Variants in TBC1D22A observed in about 807,000 individuals in gnomAD.
TBC1D22A encodes putative GTPase activator.
Under a neutral mutation model 60.2 loss-of-function variants are expected in TBC1D22A, and 38 were observed. The ratio of observed to expected loss-of-function variants is 0.63; its 90% confidence interval spans 0.49 to 0.83. The LOEUF (loss-of-function observed/expected upper bound fraction) is 0.83, where lower values mean the gene tolerates loss of function less well. TBC1D22A is among the 40% of genes least tolerant of loss of function. The pLI, the probability that TBC1D22A is intolerant of heterozygous loss-of-function variation, is 0.00. For synonymous variants in TBC1D22A, 302 were observed against 281.7 expected, an observed-to-expected ratio of 1.07 and a Z score of -0.72; for missense variants, 628 against 701.0, an observed-to-expected ratio of 0.90 and a Z score of 1.18.
intron 4 of TBC1D22A, among the ~76,000 whole-genome samples, chr22:46,806,794 C>T (rs801652): frequency 0.72 from 109,775 of 152,122 alleles, 39,675 homozygotes; most frequent in Middle Eastern, 0.82. Flanking sequence ...GAGGTGAGTG[C>T]CTGTGGCTGG....
rs188054631 is a variant in TBC1D22A, at chr22:47,051,512, G to A, written c.1329+14314G>A. 7.9e-5 allele frequency among the ~76,000 whole-genome samples: 12 copies of A among 152,254 alleles called. No individual in the cohort carries two copies. In the South Asian group the frequency reaches 8.3e-4, roughly 11 times the overall value. On this transcript the variant is annotated intron_variant, in intron 11 of 12. Transcript: ENST00000337137. The stretch of plus-strand genomic sequence containing the variant: ...TGCGGCAGGGGTGGCTTCGGGAGCC[G>A]GGAGCTAGAACATTCTTTGATCTCA...
Position 46,798,658 on chromosome 22 carries a change from C to T in TBC1D22A, c.637+1038C>T, listed in dbSNP as rs1008039694. Among the ~76,000 whole-genome samples the T allele has an allele frequency of 2.6e-5, 4 of 152,206 alleles. No homozygotes were observed. The South Asian group carries it at 6.2e-4, about 24-fold the overall frequency. On this transcript the variant is annotated intron_variant, in intron 4 of 12. Transcript: ENST00000337137. ...TAGACGCTGGAGCTCTCGGGAGGAC[C>T]GGAATGTGGCCTTGGTCATGAGATT...
chr22:46,946,736 C>G (rs2072570812), intron 8 of TBC1D22A, among the ~76,000 whole-genome samples: 2 of 152,194 alleles, frequency 1.3e-5, no homozygotes, highest in Non-Finnish European at 2.9e-5. Flanking sequence ...GCTGTTGCAG[C>G]AAGTCTGTGC....
Position 47,009,325 on chromosome 22 carries a change from A to C in TBC1D22A, c.1201+11616A>C, listed in dbSNP as rs1275579867. On this transcript the variant is annotated intron_variant, in intron 10 of 12. Coordinates refer to ENST00000337137, the MANE Select transcript of TBC1D22A (RefSeq NM_014346.5). The surrounding 1 kb of genome is among the most constrained non-coding windows in gnomAD (Gnocchi z 5.8). ...CCATCATCACCACCATCATGTCATC[A>C]TCACCATCATTATGTCATCACCACC... Among the ~76,000 whole-genome samples the C allele has an allele frequency of 1.3e-5, 2 of 151,692 alleles. No individual in the cohort carries two copies. Among genetic ancestry groups the C allele is most frequent in the African/African-American group, 2.4e-5 (1 of 41,264 alleles).
intron 4 of TBC1D22A, among the ~76,000 whole-genome samples, chr22:46,803,393 G>A (rs924117687): frequency 6.6e-6 from 1 of 152,206 alleles, no homozygotes; most frequent in African/African-American, 2.4e-5. Context: ...GGAGGCCTGA[G>A]GAAGGGCGGC....
intron 8 of TBC1D22A, among the ~76,000 whole-genome samples, chr22:46,968,658 C>T (rs1345689613): frequency 1.3e-5 from 2 of 152,118 alleles, no homozygotes; most frequent in African/African-American, 4.8e-5. Context: ...GCGTAGCCGG[C>T]GGTCCTGAGT....
At chr22:47,069,588 C>T (rs954885487) in intron 11 of TBC1D22A, among the ~76,000 whole-genome samples, 4 of 152,218 alleles carry the variant, frequency 2.6e-5, no homozygotes, top group African/African-American at 7.2e-5. Context: ...GCGGAGCTGA[C>T]CTGACGGTTC....
At chr22:47,113,570 T>C (rs1277529885) in intron 12 of TBC1D22A, among the ~76,000 whole-genome samples, 1 of 152,186 alleles carries the variant, frequency 6.6e-6, no homozygotes, top group East Asian at 1.9e-4. Context: ...ATGCGAGGAA[T>C]GGACCCTGAG....
At chr22:47,159,478 A>C (rs1364546685) in intron 12 of TBC1D22A, among the ~76,000 whole-genome samples, 1 of 151,778 alleles carries the variant, frequency 6.6e-6, no homozygotes, top group Non-Finnish European at 1.5e-5. Context: ...CATGCCATGT[A>C]AACACACAGA....
intron 4 of TBC1D22A, among the ~76,000 whole-genome samples, chr22:46,834,080 A>T (rs2086420040): frequency 6.6e-6 from 1 of 152,122 alleles, no homozygotes; most frequent in Admixed American, 6.5e-5. Context: ...CTATATCCCT[A>T]GCCTCTGAAG....
At chr22:47,013,312 C>T (rs575028915) in intron 10 of TBC1D22A, among the ~76,000 whole-genome samples, 10 of 152,184 alleles carry the variant, frequency 6.6e-5, no homozygotes, top group Non-Finnish European at 1.3e-4. Context: ...ATGATCCAGC[C>T]ACTTTTCTCC....
chr22:47,119,118 C>T (rs981519627), intron 12 of TBC1D22A, among the ~76,000 whole-genome samples: 1 of 152,172 alleles, frequency 6.6e-6, no homozygotes, highest in African/African-American at 2.4e-5. Flanking sequence ...CACTGCAGTC[C>T]AGCCTTGCGA....
At chr22:46,791,491 G>A (rs1051677360) in intron 1 of TBC1D22A, among the ~76,000 whole-genome samples, 1 of 151,712 alleles carries the variant, frequency 6.6e-6, no homozygotes, top group Non-Finnish European at 1.5e-5. Context: ...GTGGAAAAAA[G>A]GGAAAGAAGC....
chr22:47,050,092 C>T (rs369900454), intron 11 of TBC1D22A, among the ~76,000 whole-genome samples: 14 of 152,138 alleles, frequency 9.2e-5, no homozygotes, highest in African/African-American at 3.4e-4. Flanking sequence ...GCAACCTCTG[C>T]CTCCTGGGTT....
chr22:47,143,073 G>C (rs1220972686), intron 12 of TBC1D22A, among the ~76,000 whole-genome samples: 1 of 151,976 alleles, frequency 6.6e-6, no homozygotes. Context: ...CAACTCCCCA[G>C]AGGAAGGTAC....
At chr22:46,972,789 G>A (rs2074123243) in intron 8 of TBC1D22A, among the ~76,000 whole-genome samples, 2 of 152,146 alleles carry the variant, frequency 1.3e-5, no homozygotes, top group Non-Finnish European at 2.9e-5. Context: ...TTATCTCTCC[G>A]TTTACAAAAC....
intron 12 of TBC1D22A, among the ~76,000 whole-genome samples, chr22:47,147,505 C>T (rs1197596494): frequency 6.6e-6 from 1 of 152,234 alleles, no homozygotes; most frequent in Non-Finnish European, 1.5e-5. Flanking sequence ...ACACGTTCTG[C>T]ACCCACCTCC....
In TBC1D22A at chr22:46,898,820, A is replaced by G. The variant is rs540071282; in HGVS notation, c.900+3974A>G. Among the ~76,000 whole-genome samples the G allele has an allele frequency of 3.3e-5, 5 of 152,322 alleles. No homozygotes were observed. In the South Asian group the frequency reaches 1.0e-3, roughly 32 times the overall value. On this transcript the variant is annotated intron_variant, in intron 7 of 12. Transcript: ENST00000337137. ...TCATCGTGTAGCCATCTTATTTTGG[A>G]ACCAAAAGGGGAAGGCAAGTTTGCA...
intron 8 of TBC1D22A, among the ~76,000 whole-genome samples, chr22:46,955,846 C>T (rs1406424881): frequency 6.6e-6 from 1 of 152,136 alleles, no homozygotes. Context: ...CCAGTGCCTC[C>T]CTGTCCCGAG....
Sources: allele counts gnomAD v4.1 joint callset (sites outside exome capture counted in the v4.1 genomes callset), GRCh38; gene constraint gnomAD v4.1.1; non-coding constraint Gnocchi (gnomAD v3.1); transcripts MANE v1.5; gene names NCBI Gene and HGNC (gene_info 2026-07-23, HGNC 2026-07-21).